The following PDE7A variants were observed in gnomAD, a reference collection of about 807,000 sequenced individuals.
PDE7A encodes the protein phosphodiesterase 7A, also known as high affinity 3',5'-cyclic-AMP phosphodiesterase 7A.
In PDE7A, 39 loss-of-function variants were observed where a neutral mutation model predicts 64.3. The observed-to-expected ratio is 0.61, with a 90% confidence interval of 0.47 to 0.79. The LOEUF (loss-of-function observed/expected upper bound fraction) is 0.79. Among genes scored for constraint, PDE7A ranks in the 30% least tolerant of loss-of-function variants. The pLI is 0.00. For synonymous variants in PDE7A, 203 were observed against 206.8 expected (o/e 0.98, Z 0.16); for missense variants, 470 against 582.8 (o/e 0.81, Z 1.99).
At chr8:65,757,709 C>T (rs1285952894) in intron 3 of PDE7A, among the ~76,000 whole-genome samples, 1 of 152,178 alleles carries the variant, frequency 6.6e-6, no homozygotes, top group Non-Finnish European at 1.5e-5. Context: ...ACCTCTGCTT[C>T]CCGGGTCCAA....
chr8:65,727,070 A>G, intron 8 of PDE7A, 100 bp downstream of exon 8: 1 of 995,034 alleles, frequency 1.0e-6, no homozygotes, highest in Non-Finnish European at 1.6e-6. Context: ...AAATTCTAAC[A>G]TTCATTGAGA....
At chr8:65,785,994 G>A (rs1286308232) in intron 1 of PDE7A, among the ~76,000 whole-genome samples, 3 of 152,018 alleles carry the variant, frequency 2.0e-5, no homozygotes, top group South Asian at 2.1e-4. Context: ...TGGGTAATGC[G>A]CATAGTCTAG....
intron 1 of PDE7A, among the ~76,000 whole-genome samples, chr8:65,839,537 A>G (rs13252976): frequency 6.6e-6 from 1 of 152,134 alleles, no homozygotes; most frequent in South Asian, 2.1e-4. Context: ...TACATTTACC[A>G]CAATGTTAAT....
At chr8:65,752,874 A>T (rs12680705) in intron 3 of PDE7A, among the ~76,000 whole-genome samples, 27,018 of 152,054 alleles carry the variant, frequency 0.18, 3,123 homozygotes, top group East Asian at 0.52. Context: ...ATCCACTATA[A>T]CCATTACTGT....
At chr8:65,810,747 A>G (rs1328479449) in intron 1 of PDE7A, among the ~76,000 whole-genome samples, 1 of 152,088 alleles carries the variant, frequency 6.6e-6, no homozygotes, top group Non-Finnish European at 1.5e-5. Context: ...CCATATAAAT[A>G]CTCCTAATAT....
intron 1 of PDE7A, among the ~76,000 whole-genome samples, chr8:65,812,710 AT>A (rs1810285213): frequency 6.6e-6 from 1 of 152,232 alleles, no homozygotes; most frequent in Non-Finnish European, 1.5e-5. Context: ...CAACAAGATA[AT>A]GGCCAGATAC....
intron 2 of PDE7A, among the ~76,000 whole-genome samples, chr8:65,781,498 G>C (rs1360179664): frequency 6.6e-6 from 1 of 152,208 alleles, no homozygotes; most frequent in Non-Finnish European, 1.5e-5. Flanking sequence ...AGGGCCTCCA[G>C]TTAAGGAGTA....
At chr8:65,816,390 G>GA (rs1260844159) in intron 1 of PDE7A, among the ~76,000 whole-genome samples, 2 of 152,144 alleles carry the variant, frequency 1.3e-5, no homozygotes, top group Non-Finnish European at 2.9e-5. Context: ...GAAGAGATGA[G>GA]AAAAAATATA....
chr8:65,729,823 C>A (rs187608626), intron 7 of PDE7A, among the ~76,000 whole-genome samples: 2 of 152,102 alleles, frequency 1.3e-5, no homozygotes, highest in Admixed American at 1.3e-4. Context: ...CCTGCCTTGG[C>A]CTCCCAAAGT....
intron 7 of PDE7A, among the ~76,000 whole-genome samples, chr8:65,732,696 A>G (rs1806950519): frequency 6.6e-6 from 1 of 152,144 alleles, no homozygotes. Context: ...TATTTTTTGT[A>G]GAGATGGGAT....
intron 3 of PDE7A, among the ~76,000 whole-genome samples, chr8:65,778,632 A>G (rs552912118): frequency 6.6e-6 from 1 of 152,294 alleles, no homozygotes; most frequent in East Asian, 1.9e-4. Flanking sequence ...TGGGAGAGGT[A>G]ATCCTCCTCC....
chr8:65,723,811 T>C (rs1806494287), intron 11 of PDE7A, among the ~76,000 whole-genome samples, 190 bp from the exon 12 acceptor site: 1 of 152,212 alleles, frequency 6.6e-6, no homozygotes, highest in Non-Finnish European at 1.5e-5. Flanking sequence ...CAAGCTGATA[T>C]TTTTATTTAA....
intron 12 of PDE7A, chr8:65,721,948 C>A (rs1320690085): frequency 6.6e-6 from 1 of 151,952 alleles, no homozygotes; most frequent in Non-Finnish European, 1.5e-5. Context: ...GGCCATCACA[C>A]CCAGCTAATT....
Position 65,780,227 on chromosome 8 carries a change from A to G in PDE7A, c.200-424T>C, listed in dbSNP as rs552002728. Among the ~76,000 whole-genome samples the G allele has an allele frequency of 7.2e-5, 11 of 152,322 alleles. No homozygotes were observed. The South Asian group carries it at 1.9e-3, about 26-fold the overall frequency. On this transcript the variant is annotated intron_variant, in intron 2 of 12. Transcript: ENST00000401827. Reference sequence around the variant, plus strand: ...TTAGAAAGCTGCAGAAAGAAGCAACATATTTATTAAGAGCCGACTCTGTGC... The same window carrying G: ...TTAGAAAGCTGCAGAAAGAAGCAACGTATTTATTAAGAGCCGACTCTGTGC...
rs183770061 is a variant in PDE7A at position 65,806,673 on chromosome 8, A to G, written c.139-23830T>C. Among the ~76,000 whole-genome samples the G allele has an allele frequency of 4.7e-4, 72 of 152,342 alleles. 2 individuals carry two copies. Among genetic ancestry groups the G allele is most frequent in the Non-Finnish European group, 1.2e-4 (8 of 68,032 alleles). On this transcript the variant is annotated intron_variant, in intron 1 of 12. Coordinates refer to ENST00000401827, the MANE Select transcript of PDE7A (RefSeq NM_001242318.3). ...GTGCATGTAAGTGAATGTTCCATACACGTGTTACTGATTCACAAAGTTTGG... is the reference window on the plus strand; with the variant it reads ...GTGCATGTAAGTGAATGTTCCATACGCGTGTTACTGATTCACAAAGTTTGG...
intron 1 of PDE7A, among the ~76,000 whole-genome samples, chr8:65,785,287 C>T (rs999888052): frequency 1.3e-5 from 2 of 152,104 alleles, no homozygotes; most frequent in African/African-American, 2.4e-5. Context: ...TTTATCTTTG[C>T]ACTTTTTGAG....
At chr8:65,817,988 G>A (rs1445553167) in intron 1 of PDE7A, among the ~76,000 whole-genome samples, 3 of 151,950 alleles carry the variant, frequency 2.0e-5, no homozygotes, top group Non-Finnish European at 2.9e-5. Flanking sequence ...TCCTGACCTC[G>A]TGATCCGCCC....
chr8:65,730,290 T>C (rs986440752), intron 7 of PDE7A, among the ~76,000 whole-genome samples: 5 of 150,182 alleles, frequency 3.3e-5, no homozygotes, highest in African/African-American at 1.2e-4. Context: ...AAGTGATTCT[T>C]CTGCCTCAGC....
intron 1 of PDE7A, among the ~76,000 whole-genome samples, chr8:65,814,531 A>T (rs979477977): frequency 1.9e-4 from 28 of 150,900 alleles, no homozygotes; most frequent in Admixed American, 9.2e-4. Context: ...AAAAAAAAAA[A>T]AAAAGGACTT....
Sources: gnomAD v4.1 joint callset for allele counts (sites outside exome capture counted in the v4.1 genomes callset) on GRCh38, gnomAD v4.1.1 for gene constraint, MANE v1.5 for transcripts, NCBI Gene and HGNC (gene_info 2026-07-23, HGNC 2026-07-21) for gene names.